Variants in MGAT4C observed in about 807,000 individuals in gnomAD.
The protein encoded by MGAT4C is MGAT4 family member C, also known as alpha-1,3-mannosyl-glycoprotein 4-beta-N-acetylglucosaminyltransferase C.
In MGAT4C, 19 loss-of-function variants were observed where a neutral mutation model predicts 40.1. The ratio of observed to expected loss-of-function variants is 0.47; its 90% CI spans 0.33 to 0.70. The LOEUF (loss-of-function observed/expected upper bound fraction) is 0.70. MGAT4C is among the 30% of genes least tolerant of loss of function. MGAT4C has a pLI of 0.02. For synonymous variants in MGAT4C, 181 were observed against 187.1 expected, an observed-to-expected ratio of 0.97 and a Z score of 0.27; for missense variants, 491 against 563.2, an observed-to-expected ratio of 0.87 and a Z score of 1.30.
At chr12:86,818,647 GA>G (rs547561958) in intron 1 of MGAT4C, among the ~76,000 whole-genome samples, 1 of 148,778 alleles carries the variant, frequency 6.7e-6, no homozygotes, top group East Asian at 2.1e-4. Flanking sequence ...ATTCAACAGG[GA>G]AAAAAATAAA....
chr12:86,688,255 G>C (rs1950111408), intron 2 of MGAT4C, among the ~76,000 whole-genome samples: 1 of 147,766 alleles, frequency 6.8e-6, no homozygotes, highest in Admixed American at 6.9e-5. Context: ...ACATGAAATG[G>C]GTCTCCTGAA....
At position 86,418,575 on chromosome 12, in the gene MGAT4C, A is replaced by T. The variant is rs146056629; in HGVS notation, c.-120+16582T>A. Among the ~76,000 whole-genome samples the T allele has an allele frequency of 3.3e-3, 500 of 150,922 alleles. 3 individuals are homozygous for T. The highest frequency in any genetic ancestry group is 0.012 in the African/African-American group (478 of 40,950). On this transcript the variant is annotated intron_variant, in intron 3 of 7. Coordinates refer to the MGAT4C transcript ENST00000548651. Reference sequence around the variant, plus strand: ...CACTGCACTCTAGCCTGGGCAACAGAGCAAGACTCCATCTCAATAAATAAA... The same window carrying T: ...CACTGCACTCTAGCCTGGGCAACAGTGCAAGACTCCATCTCAATAAATAAA...
chr12:86,596,710 G>C (rs1440012771), intron 2 of MGAT4C, among the ~76,000 whole-genome samples: 1 of 152,104 alleles, frequency 6.6e-6, no homozygotes, highest in Admixed American at 6.6e-5. Context: ...TTGAAGAACA[G>C]AATATATCTG....
At chr12:86,701,678 G>C (rs1950367357) in intron 2 of MGAT4C, among the ~76,000 whole-genome samples, 1 of 152,102 alleles carries the variant, frequency 6.6e-6, no homozygotes, top group African/African-American at 2.4e-5. Context: ...TTAAGTCAAA[G>C]CTAGACATGA....
intron 2 of MGAT4C, among the ~76,000 whole-genome samples, chr12:86,556,769 CTTAA>C (rs2136403103): frequency 6.6e-6 from 1 of 152,212 alleles, no homozygotes; most frequent in East Asian, 1.9e-4. Flanking sequence ...TATTTATACT[CTTAA>C]TGAAGATGGC....
intron 1 of MGAT4C, among the ~76,000 whole-genome samples, chr12:86,155,282 G>GT (rs1193818421): frequency 2.0e-5 from 3 of 152,142 alleles, no homozygotes; most frequent in Non-Finnish European, 2.9e-5. Context: ...AAATAATTTT[G>GT]TATCAAAGTA....
intron 3 of MGAT4C, among the ~76,000 whole-genome samples, chr12:86,404,990 A>T (rs779046174): frequency 6.6e-6 from 1 of 152,066 alleles, no homozygotes; most frequent in Non-Finnish European, 1.5e-5. Context: ...TTTTCCTTTA[A>T]AACTAGATAT....
intron 1 of MGAT4C, among the ~76,000 whole-genome samples, chr12:86,759,945 A>C (rs1037266965): frequency 1.3e-5 from 2 of 152,156 alleles, no homozygotes; most frequent in African/African-American, 4.8e-5. Flanking sequence ...CAATGGAAGC[A>C]CAAAAGACCC....
At chr12:86,168,912 A>G (rs1292129754) in intron 1 of MGAT4C, among the ~76,000 whole-genome samples, 6 of 152,106 alleles carry the variant, frequency 3.9e-5, no homozygotes, top group Non-Finnish European at 5.9e-5. Context: ...GCTGAGTACA[A>G]TCTTATGAAA....
intron 2 of MGAT4C, among the ~76,000 whole-genome samples, chr12:86,507,892 T>C (rs1958498714): frequency 6.6e-6 from 1 of 152,142 alleles, no homozygotes; most frequent in Non-Finnish European, 1.5e-5. Flanking sequence ...CTACTTAGGG[T>C]TCTTTGTGGT....
At chr12:86,138,475 A>ATATT (rs1882298436) in intron 1 of MGAT4C, among the ~76,000 whole-genome samples, 1 of 146,734 alleles carries the variant, frequency 6.8e-6, no homozygotes, top group African/African-American at 2.5e-5. Flanking sequence ...TTCCATATAT[A>ATATT]TCCATATATA....
intron 1 of MGAT4C, among the ~76,000 whole-genome samples, chr12:86,766,562 T>C (rs4842822): frequency 0.39 from 58,828 of 150,246 alleles, 11,643 homozygotes; most frequent in East Asian, 0.46. Context: ...AAACAGAATA[T>C]ACATTTTTTT....
At chr12:86,248,893 G>A (rs1476597007) in intron 1 of MGAT4C, among the ~76,000 whole-genome samples, 2 of 152,086 alleles carry the variant, frequency 1.3e-5, no homozygotes, top group African/African-American at 4.8e-5. Context: ...GTTATGCTCT[G>A]TTCCCATGCT....
chr12:86,730,866 T>C (rs930216125), intron 1 of MGAT4C, among the ~76,000 whole-genome samples: 1 of 152,132 alleles, frequency 6.6e-6, no homozygotes, highest in Non-Finnish European at 1.5e-5. Flanking sequence ...CAACTATTGT[T>C]ATATAATAGA....
chr12:86,484,751 A>C lies in MGAT4C; in HGVS notation c.-228-49486T>G, dbSNP rs78512430. Among the ~76,000 whole-genome samples, 65 of 152,230 alleles carry C rather than the reference A, an allele frequency of 4.3e-4. No homozygotes were observed. In the East Asian group the frequency reaches 0.012, roughly 27 times the overall value. ...TCAGCCCGACAGCCTTTCCTGAGAG[A>C]GCCCAAATGCCCAGAACACCTGCCA... On this transcript the variant is annotated intron_variant, in intron 2 of 7. Coordinates refer to the MGAT4C transcript ENST00000548651.
At chr12:86,313,215 A>G (rs1325934904) in intron 4 of MGAT4C, among the ~76,000 whole-genome samples, 1 of 152,190 alleles carries the variant, frequency 6.6e-6, no homozygotes, top group Non-Finnish European at 1.5e-5. Flanking sequence ...CAAATAAGCC[A>G]TAATTTTTAT....
intron 1 of MGAT4C, among the ~76,000 whole-genome samples, chr12:86,757,900 C>G (rs1951333906): frequency 6.6e-6 from 1 of 152,130 alleles, no homozygotes; most frequent in South Asian, 2.1e-4. Context: ...TATGTCCTCT[C>G]TGGGTCACAT....
intron 1 of MGAT4C, among the ~76,000 whole-genome samples, chr12:86,806,816 T>G (rs1374269382): frequency 6.6e-6 from 1 of 151,300 alleles, no homozygotes; most frequent in East Asian, 2.0e-4. Flanking sequence ...CGAGAACACT[T>G]GGACACAGGA....
intron 2 of MGAT4C, among the ~76,000 whole-genome samples, chr12:86,616,360 T>G: frequency 6.6e-6 from 1 of 152,124 alleles, no homozygotes; most frequent in East Asian, 1.9e-4. Context: ...AGAACAACCC[T>G]TAAATCAATC....
Sources: gnomAD v4.1 joint callset for allele counts (sites outside exome capture counted in the v4.1 genomes callset) on GRCh38, gnomAD v4.1.1 for gene constraint, MANE v1.5 for transcripts, NCBI Gene and HGNC (gene_info 2026-07-23, HGNC 2026-07-21) for gene names.